The following NAV2 variants were observed in gnomAD, a reference collection of about 807,000 sequenced individuals.
NAV2 encodes the protein neuron navigator 2.
Under a neutral mutation model 223.2 loss-of-function variants are expected in NAV2, and 54 were observed. The observed-to-expected ratio is 0.24, with a 90% CI of 0.19 to 0.30. NAV2 has a LOEUF of 0.30. NAV2 is among the 10% of genes least tolerant of loss of function. The pLI, the probability that NAV2 is intolerant of heterozygous loss-of-function variation, is 1.00. For missense variants in NAV2, 2,806 were observed against 3,147.5 expected (o/e 0.89, Z 2.60); for synonymous variants, 1,279 against 1,239.3 (o/e 1.03, Z -0.67).
At chr11:19,573,674 C>G (rs1263047900) in intron 1 of NAV2, among the ~76,000 whole-genome samples, 1 of 152,182 alleles carries the variant, frequency 6.6e-6, no homozygotes, top group African/African-American at 2.4e-5. Context: ...TGGTCACCAG[C>G]TTATAGGTAG....
At chr11:19,803,290 G>A (rs980843295) in intron 1 of NAV2, among the ~76,000 whole-genome samples, 1 of 152,218 alleles carries the variant, frequency 6.6e-6, no homozygotes, top group African/African-American at 2.4e-5. Flanking sequence ...GAGCGCATCA[G>A]CTTTGTCTTG....
At chr11:19,436,836 T>A (rs1851234197) in intron 1 of NAV2, among the ~76,000 whole-genome samples, 1 of 152,200 alleles carries the variant, frequency 6.6e-6, no homozygotes, top group African/African-American at 2.4e-5. Flanking sequence ...TTTTCTTTGA[T>A]GCTTTTATAA....
At chr11:19,560,567 C>G (rs1051024254) in intron 1 of NAV2, among the ~76,000 whole-genome samples, 4 of 152,184 alleles carry the variant, frequency 2.6e-5, no homozygotes, top group African/African-American at 7.2e-5. Context: ...CATTGCAGCT[C>G]TTATCACATT....
At chr11:19,385,430 G>A (rs939127243) in intron 1 of NAV2, among the ~76,000 whole-genome samples, 1 of 152,208 alleles carries the variant, frequency 6.6e-6, no homozygotes, top group African/African-American at 2.4e-5. Flanking sequence ...TGTTAAGTTA[G>A]CCACCATATA....
At chr11:19,837,209 A>G (rs1442161795) in intron 2 of NAV2, among the ~76,000 whole-genome samples, 1 of 152,218 alleles carries the variant, frequency 6.6e-6, no homozygotes, top group African/African-American at 2.4e-5. Flanking sequence ...ACTAAATAGA[A>G]TAGGAATCCA....
chr11:19,911,459 T>A (rs1311282909), intron 6 of NAV2, among the ~76,000 whole-genome samples: 1 of 152,150 alleles, frequency 6.6e-6, no homozygotes, highest in Admixed American at 6.5e-5. Context: ...CTGAATGAAG[T>A]AGGCAAAATG....
At chr11:20,063,665 G>A (rs149162168) in intron 20 of NAV2, among the ~76,000 whole-genome samples, 1,756 of 152,224 alleles carry the variant, frequency 0.012, 30 homozygotes, top group Admixed American at 0.036. Context: ...GTGAGCCACC[G>A]CGCATGGCTA....
intron 1 of NAV2, among the ~76,000 whole-genome samples, chr11:19,604,302 G>A (rs925355629): frequency 2.0e-5 from 3 of 152,016 alleles, no homozygotes; most frequent in Non-Finnish European, 4.4e-5. Flanking sequence ...GGCTTGGACT[G>A]GGGGGGCATC....
intron 1 of NAV2, among the ~76,000 whole-genome samples, chr11:19,583,546 T>TGTCC (rs542212892): frequency 4.4e-4 from 67 of 151,574 alleles, no homozygotes; most frequent in Non-Finnish European, 9.0e-4. Context: ...TTTTGAGACA[T>TGTCC]GTCCCATCAA....
intron 1 of NAV2, among the ~76,000 whole-genome samples, chr11:19,560,627 T>G (rs1001922250): frequency 2.0e-5 from 3 of 152,272 alleles, no homozygotes; most frequent in Non-Finnish European, 4.4e-5. Flanking sequence ...TCTAAAGCAC[T>G]GTACAAATAT....
intron 1 of NAV2, among the ~76,000 whole-genome samples, chr11:19,781,673 C>T (rs1049962707): frequency 6.6e-6 from 1 of 151,978 alleles, no homozygotes; most frequent in Non-Finnish European, 1.5e-5. Flanking sequence ...AGTTATATTG[C>T]TCCCTCCCAA....
chr11:20,105,276 T>G, intron 34 of NAV2: 2 of 378,216 alleles, frequency 5.3e-6, no homozygotes, highest in South Asian at 5.2e-5. Flanking sequence ...CCTGGAAAAG[T>G]TACATGACCT....
At chr11:19,781,978 A>G (rs1384191848) in intron 1 of NAV2, among the ~76,000 whole-genome samples, 2 of 152,156 alleles carry the variant, frequency 1.3e-5, no homozygotes, top group Admixed American at 6.5e-5. Context: ...ACTAAAGCTC[A>G]TTAACACTCA....
intron 1 of NAV2, among the ~76,000 whole-genome samples, chr11:19,567,602 A>G: frequency 6.6e-6 from 1 of 152,136 alleles, no homozygotes; most frequent in East Asian, 1.9e-4. Context: ...TGTAGCTCTA[A>G]GACTCTTGGT....
intron 1 of NAV2, among the ~76,000 whole-genome samples, chr11:19,781,261 G>T (rs927501515): frequency 6.6e-6 from 1 of 152,178 alleles, no homozygotes; most frequent in African/African-American, 2.4e-5. Context: ...GCGCTGCAGG[G>T]CCTGCTGCTG....
chr11:20,049,962 C>G, intron 16 of NAV2, 61 bp downstream of exon 16: 1 of 1,526,858 alleles, frequency 6.5e-7, no homozygotes, highest in East Asian at 2.3e-5. Flanking sequence ...CATTCGTTGT[C>G]AAGCCAGATG....
intron 1 of NAV2, among the ~76,000 whole-genome samples, chr11:19,625,872 T>A (rs1421909841): frequency 1.3e-5 from 2 of 152,166 alleles, no homozygotes; most frequent in African/African-American, 4.8e-5. Context: ...TCTGTCCAGA[T>A]CATTTGCCTA....
chr11:20,051,364 A>G, intron 17 of NAV2, 31 bp downstream of exon 17: 7 of 1,609,262 alleles, frequency 4.3e-6, no homozygotes, highest in Non-Finnish European at 5.1e-6. Context: ...CATCTGTGCC[A>G]TCTGTTGTGG....
intron 1 of NAV2, among the ~76,000 whole-genome samples, chr11:19,365,189 G>C (rs2133818856): frequency 6.6e-6 from 1 of 152,320 alleles, no homozygotes. Context: ...AATGAAATCT[G>C]TCTACCTTCA....
Sources: gnomAD v4.1 joint callset for allele counts (sites outside exome capture counted in the v4.1 genomes callset) on GRCh38, gnomAD v4.1.1 for gene constraint, MANE v1.5 for transcripts, NCBI Gene and HGNC (gene_info 2026-07-23, HGNC 2026-07-21) for gene names.